DHRS12: variants seen among roughly 807,000 people sequenced by gnomAD.
The protein encoded by DHRS12 is dehydrogenase/reductase SDR family member 12.
A neutral mutation model predicts 32.1 loss-of-function variants in DHRS12; 29 were observed. The ratio of observed to expected loss-of-function variants is 0.90; its 90% CI spans 0.67 to 1.23. The LOEUF is 1.23. Ranked by LOEUF, DHRS12 falls within the 50% of genes most tolerant of loss-of-function variation. DHRS12 has a pLI of 0.00. For synonymous variants in DHRS12, 150 were observed against 135.9 expected, an observed-to-expected ratio of 1.10 and a Z score of -0.72; for missense variants, 330 against 337.2, an observed-to-expected ratio of 0.98 and a Z score of 0.17.
chr13:51,769,891 CGGGCACT>C (rs1218359927), intron 7 of DHRS12, among the ~76,000 whole-genome samples: 1 of 152,240 alleles, frequency 6.6e-6, no homozygotes, highest in Non-Finnish European at 1.5e-5. Context: ...GCCACAGCGT[CGGGCACT>C]CTACCTGCCC....
At chr13:51,758,342 CAT>C in the DHRS12 span, 131 of 1,442,574 alleles carry the variant, frequency 9.1e-5, no homozygotes, top group Non-Finnish European at 1.1e-4. Context: ...TCTTTGGCCT[CAT>C]ATAAATATAC....
Position 51,776,016 on chromosome 13 carries a change from AT to A in DHRS12, c.363+1043del, listed in dbSNP as rs201154222. The A allele has an allele frequency of 1.4e-3, 112 of 80,886 alleles. 1 individual carries two copies. The highest frequency in any genetic ancestry group is 1.1e-3 in the Non-Finnish European group (42 of 39,166). The allele number at this position is 80,886 out of a possible 1,614,324, so 5.0% of individuals were successfully genotyped here. On this transcript the variant is annotated intron_variant, in intron 5 of 8. Coordinates refer to ENST00000444610, the MANE Select transcript of DHRS12 (RefSeq NM_001377533.1). Reference sequence around the variant, plus strand: ...CATGTATTCTACAGTATTCTCCTACATGTATTCTCCTACATGTATTCTACAG... The same window carrying A: ...CATGTATTCTACAGTATTCTCCTACAGTATTCTCCTACATGTATTCTACAG...
At chr13:51,787,557 C>T (rs1198473883) in intron 4 of DHRS12, among the ~76,000 whole-genome samples, 1 of 151,316 alleles carries the variant, frequency 6.6e-6, no homozygotes, top group Non-Finnish European at 1.5e-5. Context: ...CCGAGGTTCA[C>T]ATTCTGGCTC....
chr13:51,783,445 C>T (rs868061628), intron 4 of DHRS12, among the ~76,000 whole-genome samples: 3 of 152,174 alleles, frequency 2.0e-5, no homozygotes, highest in African/African-American at 7.2e-5. Flanking sequence ...AGTTACAATG[C>T]TTTCTTTTTT....
chr13:51,803,344 C>T (rs1955842521), intron 1 of DHRS12, among the ~76,000 whole-genome samples: 1 of 152,220 alleles, frequency 6.6e-6, no homozygotes, highest in South Asian at 2.1e-4. Flanking sequence ...GGCCTGAAAA[C>T]TGGGTACTTT....
chr13:51,792,110 T>C (rs945884656), intron 2 of DHRS12, among the ~76,000 whole-genome samples: 1 of 152,208 alleles, frequency 6.6e-6, no homozygotes, highest in Non-Finnish European at 1.5e-5. Flanking sequence ...CTTGGATAAG[T>C]ACCCAGAAGT....
intron 2 of DHRS12, among the ~76,000 whole-genome samples, chr13:51,793,363 C>A (rs76855686): frequency 0.037 from 5,621 of 152,298 alleles, 194 homozygotes; most frequent in African/African-American, 0.089. Flanking sequence ...GCAAGAGCCA[C>A]AACTCCTTTG....
rs1370756099 is a variant in DHRS12, at chr13:51,776,084, TCTC to T, written c.363+973_363+975del. 7.8e-4 allele frequency: 78 copies of T among 100,002 alleles called. 10 individuals are homozygous for T. The highest frequency in any genetic ancestry group is 3.1e-3 in the African/African-American group (76 of 24,128). The allele number at this position is 100,002 out of a possible 1,614,324, so 6.2% of individuals were successfully genotyped here. Reference sequence around the variant, plus strand: ...TTCTACAGTATTCTCCTACATGTATTCTCCTACATGTATTCTACAGTATTCTCC... The same window carrying T: ...TTCTACAGTATTCTCCTACATGTATTCTACATGTATTCTACAGTATTCTCC... On this transcript the variant is annotated intron_variant, in intron 5 of 8. Transcript: ENST00000444610.
In DHRS12 at chr13:51,790,008, T is replaced by C. The variant is rs1239603774; in HGVS notation, c.301+3A>G. On this transcript the variant is annotated splice_donor_region_variant and intron_variant, in intron 4 of 8. Coordinates refer to ENST00000444610, the MANE Select transcript of DHRS12 (RefSeq NM_001377533.1). ...AACAAATAAGAAAACTTCTTGTACT[T>C]ACCCAGAGTATTGGCAGCAAAGTTT... The C allele has an allele frequency of 6.3e-7, 1 of 1,599,182 alleles. No individual in the cohort carries two copies. The highest frequency in any genetic ancestry group is 1.4e-5 in the African/African-American group (1 of 73,850).
At chr13:51,776,999 AC>A in intron 5 of DHRS12, 60 bp downstream of exon 5, 1 of 1,598,808 alleles carries the variant, frequency 6.3e-7, no homozygotes, top group Non-Finnish European at 8.6e-7. Context: ...ACCTAGGCCC[AC>A]TGACTTCCCA....
At chr13:51,758,150 T>A in the DHRS12 span, 5 of 1,485,862 alleles carry the variant, frequency 3.4e-6, no homozygotes, top group Non-Finnish European at 3.7e-6. Context: ...CATTCATATG[T>A]CACCACCTTT....
At chr13:51,767,470 C>A (rs913715259), downstream of DHRS12, 1 of 152,274 alleles carries the variant, frequency 6.6e-6, no homozygotes, top group Non-Finnish European at 1.5e-5. Flanking sequence ...CTGGGTTTTC[C>A]TCTGCTATGG....
chr13:51,793,081 C>T (rs1413849691), intron 2 of DHRS12, among the ~76,000 whole-genome samples: 1 of 152,146 alleles, frequency 6.6e-6, no homozygotes, highest in Admixed American at 6.5e-5. Flanking sequence ...CAGCCACCTC[C>T]CCAGCAGGCT....
chr13:51,780,658 A>G (rs990846872), intron 4 of DHRS12, among the ~76,000 whole-genome samples: 2 of 152,250 alleles, frequency 1.3e-5, no homozygotes, highest in African/African-American at 4.8e-5. Context: ...TTACATGGGT[A>G]CATGACTTGA....
the DHRS12 span, among the ~76,000 whole-genome samples, chr13:51,757,010 T>C: frequency 6.6e-6 from 1 of 152,322 alleles, no homozygotes; most frequent in South Asian, 2.1e-4. Context: ...ATCTATGTTA[T>C]CTCTTTAGTG....
intron 7 of DHRS12, among the ~76,000 whole-genome samples, chr13:51,770,421 A>C (rs1953956961): frequency 6.6e-6 from 1 of 152,198 alleles, no homozygotes; most frequent in Non-Finnish European, 1.5e-5. Flanking sequence ...GATTTTAAAC[A>C]TCTGAGCTGA....
At chr13:51,773,891 G>C (rs553441651) in intron 6 of DHRS12, 39 bp downstream of exon 6, 2 of 1,570,434 alleles carry the variant, frequency 1.3e-6, no homozygotes, top group Non-Finnish European at 8.8e-7. Flanking sequence ...CTCGCAGCCC[G>C]TGGGTAAAAT....
intron 8 of DHRS12, chr13:51,768,506 GCCAGGGCTGGACGGGAGA>G: frequency 7.1e-7 from 1 of 1,416,438 alleles, no homozygotes; most frequent in East Asian, 2.6e-5. Flanking sequence ...GGAGGCTGCA[GCCAGGGCTGGACGGGAGA>G]CCACGTTTGG....
At chr13:51,776,842 G>T (rs1252157616) in intron 5 of DHRS12, among the ~76,000 whole-genome samples, 1 of 152,022 alleles carries the variant, frequency 6.6e-6, no homozygotes, top group Non-Finnish European at 1.5e-5. Context: ...CAGCCGGAGT[G>T]GGGGTCGGGG....
Sources: allele counts gnomAD v4.1 joint callset (sites outside exome capture counted in the v4.1 genomes callset), GRCh38; gene constraint gnomAD v4.1.1; transcripts MANE v1.5; gene names NCBI Gene and HGNC (gene_info 2026-07-23, HGNC 2026-07-21).